LIPH: variants seen among roughly 807,000 people sequenced by gnomAD.
The protein encoded by LIPH is lipase H.
Under a neutral mutation model 47.6 loss-of-function variants are expected in LIPH, and 32 were observed. That is an observed-to-expected ratio of 0.67 (90% CI 0.51 to 0.90). The LOEUF is 0.90. LIPH is among the 40% of genes least tolerant of loss of function. The pLI is 0.00. For synonymous variants in LIPH, 190 were observed against 195.6 expected (o/e 0.97, Z 0.24); for missense variants, 497 against 541.4 (o/e 0.92, Z 0.81).
At chr3:185,533,459 T>A in intron 3 of LIPH, 112 bp downstream of exon 3, 2 of 776,454 alleles carry the variant, frequency 2.6e-6, no homozygotes, top group Non-Finnish European at 4.8e-6. Context: ...CTCAGAGAGG[T>A]TAGGTAATTG....
At chr3:185,522,471 G>A (rs1181421742) in intron 5 of LIPH, among the ~76,000 whole-genome samples, 3 of 148,944 alleles carry the variant, frequency 2.0e-5, no homozygotes, top group Non-Finnish European at 3.0e-5. Flanking sequence ...GGAAAGGGAA[G>A]GGAAAGGAAA....
At chr3:185,510,239 G>A (rs569495475) in intron 9 of LIPH, among the ~76,000 whole-genome samples, 9 of 152,138 alleles carry the variant, frequency 5.9e-5, no homozygotes, top group African/African-American at 2.2e-4. Flanking sequence ...ATGAGCCACC[G>A]TGTTCAGTCC....
In LIPH at chr3:185,527,503, G is replaced by A; in HGVS notation, c.609C>T (p.Val203=). The change falls in exon 4 of 10, where the codon GTC becomes GTT. Residue 203 remains valine (V), a synonymous_variant. Coordinates refer to ENST00000296252, the MANE Select transcript of LIPH (RefSeq NM_139248.3). ...LDPSDAQFVD[V]IHSDTDALGY... ...CGTTACCATCAGTGTCGGAATGGAT[G>A]ACATCAACAAACTGCGCATCACTGG... The A allele has an allele frequency of 6.2e-7, 1 of 1,612,310 alleles. No individual in the cohort carries two copies. The highest frequency in any genetic ancestry group is 1.3e-5 in the African/African-American group (1 of 74,802).
At chr3:185,524,970 C>T (rs1720023790) in intron 4 of LIPH, among the ~76,000 whole-genome samples, 1 of 152,058 alleles carries the variant, frequency 6.6e-6, no homozygotes. Flanking sequence ...CAGTGGCTCA[C>T]CCCTATAATC....
chr3:185,535,425 A>G (rs1263638725), intron 1 of LIPH, among the ~76,000 whole-genome samples: 1 of 151,918 alleles, frequency 6.6e-6, no homozygotes, highest in East Asian at 1.9e-4. Flanking sequence ...CTACAGGTGC[A>G]TGCCATCATG....
At chr3:185,525,834 C>T (rs1720051835) in intron 4 of LIPH, among the ~76,000 whole-genome samples, 1 of 152,172 alleles carries the variant, frequency 6.6e-6, no homozygotes, top group African/African-American at 2.4e-5. Context: ...CACAAAGAGA[C>T]AATTTCTTTC....
intron 1 of LIPH, among the ~76,000 whole-genome samples, chr3:185,547,640 T>G (rs1386853982): frequency 6.6e-6 from 1 of 151,966 alleles, no homozygotes; most frequent in African/African-American, 2.4e-5. Context: ...CTGGCCAACA[T>G]GGCGAAACCC....
At chr3:185,534,422 C>CT (rs1720437839) in intron 2 of LIPH, among the ~76,000 whole-genome samples, 3 of 152,076 alleles carry the variant, frequency 2.0e-5, no homozygotes, top group Non-Finnish European at 4.4e-5. Flanking sequence ...AGAACCTCTC[C>CT]TACCTGTAAG....
chr3:185,529,965 GGAAA>G (rs1201297165), intron 3 of LIPH, among the ~76,000 whole-genome samples: 1 of 103,038 alleles, frequency 9.7e-6, no homozygotes, highest in African/African-American at 4.2e-5. Context: ...AAAGAAAGAA[GGAAA>G]GAAAGAAAGA....
chr3:185,523,940 T>A (rs1719984885), intron 5 of LIPH, 131 bp downstream of exon 5: 1 of 652,258 alleles, frequency 1.5e-6, no homozygotes, highest in African/African-American at 1.8e-5. Flanking sequence ...CAGGCTCGTC[T>A]CAAACTCCTG....
chr3:185,538,216 T>C (rs1201547565), intron 1 of LIPH, among the ~76,000 whole-genome samples: 3 of 152,198 alleles, frequency 2.0e-5, no homozygotes, highest in African/African-American at 7.2e-5. Flanking sequence ...AAATACTAAA[T>C]ATTATAAAAG....
At position 185,533,651 on chromosome 3, in the gene LIPH, T is replaced by C. The variant is rs770550405; in HGVS notation, c.446A>G (p.Tyr149Cys). Residue 149 changes from tyrosine (Y) to cysteine (C), a missense_variant, in exon 3 of 10, where the codon TAC (tyrosine) becomes TGC (cysteine). Transcript: ENST00000296252. ...LAEGASLDDI[Y>C]MIGVSLGAHI... is the part of the protein sequence containing the mutation. ...GGCTCCTAGACTTACTCCGATCATG[T>C]AAATGTCATCAAGAGAAGCTCCTTC... 10 of 1,613,686 alleles carry C rather than the reference T, an allele frequency of 6.2e-6. No homozygotes were observed. The highest frequency in any genetic ancestry group is 8.5e-6 in the Non-Finnish European group (10 of 1,179,670).
At position 185,508,306 on chromosome 3, in the gene LIPH, A is replaced by C. The variant is rs1241868179; in HGVS notation, c.*484T>G. The stretch of plus-strand genomic sequence containing the variant: ...TGGGATTTCAAAAAACCCTTCATAG[A>C]TTTTTGCCTCCCAAACCCACACAGC... On this transcript the variant is annotated 3_prime_UTR_variant, in exon 10 of 10. Coordinates refer to ENST00000296252, the MANE Select transcript of LIPH (RefSeq NM_139248.3). 1 of 168,564 alleles carries C rather than the reference A, an allele frequency of 5.9e-6. No homozygotes were observed. The highest frequency in any genetic ancestry group is 1.3e-5 in the Non-Finnish European group (1 of 76,508). 10.4% of individuals were successfully genotyped at this position (168,564 alleles called of 1,614,324 possible). A position where few individuals can be genotyped will look rare whatever the true frequency, so the allele number is the denominator to read the frequency against.
At chr3:185,517,577 A>T (rs56367168) in intron 6 of LIPH, among the ~76,000 whole-genome samples, 14,536 of 152,186 alleles carry the variant, frequency 0.096, 1,276 homozygotes, top group African/African-American at 0.24. Flanking sequence ...GGGCCCCTAA[A>T]TTGCATAGAC....
At position 185,518,295 on chromosome 3, in the gene LIPH, T is replaced by C. The variant is rs533643662; in HGVS notation, c.886+847A>G. On this transcript the variant is annotated intron_variant, in intron 6 of 9. Transcript: ENST00000296252. ...TTTCTTTTGTTTGTTTGTTTGCTTT[T>C]TGAGACGGAGTTTCACTCTTGTTGC... is the stretch of plus-strand genomic sequence containing the variant. Among the ~76,000 whole-genome samples, 7 of 152,326 alleles carry C rather than the reference T, an allele frequency of 4.6e-5. No homozygotes were observed. In the East Asian group the frequency reaches 1.3e-3, roughly 29 times the overall value.
intron 5 of LIPH, among the ~76,000 whole-genome samples, chr3:185,519,665 G>A (rs1371253918): frequency 6.6e-6 from 1 of 151,696 alleles, no homozygotes; most frequent in Non-Finnish European, 1.5e-5. Flanking sequence ...GGGAAACCCC[G>A]TCTCTACTAA....
chr3:185,530,214 C>A lies in LIPH; in HGVS notation c.527-2629G>T, dbSNP rs141141678. 1.6e-3 allele frequency among the ~76,000 whole-genome samples: 246 copies of A among 152,066 alleles called. 1 individual carries two copies. The highest frequency in any genetic ancestry group is 5.7e-3 in the African/African-American group (237 of 41,480). ...AGTAAATAGGCTGGGCACAGTGGCT[C>A]ATGCCTGTAATCCCAGAACTTTGGG... is the stretch of plus-strand genomic sequence containing the variant. On this transcript the variant is annotated intron_variant, in intron 3 of 9. Coordinates refer to ENST00000296252, the MANE Select transcript of LIPH (RefSeq NM_139248.3).
chr3:185,546,244 C>A (rs746796454), intron 1 of LIPH, among the ~76,000 whole-genome samples: 2 of 149,836 alleles, frequency 1.3e-5, no homozygotes. Flanking sequence ...CCCAGCTACT[C>A]GGGAGGCTGA....
At chr3:185,527,343 T>G in intron 4 of LIPH, 141 bp downstream of exon 4, 2 of 731,572 alleles carry the variant, frequency 2.7e-6, no homozygotes, top group Non-Finnish European at 2.5e-6. Context: ...CCTTCAATAT[T>G]TCGGTGGATT....
Sources: allele counts gnomAD v4.1 joint callset (sites outside exome capture counted in the v4.1 genomes callset), GRCh38; gene constraint gnomAD v4.1.1; transcripts MANE v1.5; gene names NCBI Gene and HGNC (gene_info 2026-07-23, HGNC 2026-07-21).